KLHDC4: variants seen among roughly 807,000 people sequenced by gnomAD.
KLHDC4 encodes kelch domain containing 4, also known as kelch domain-containing protein 4.
In KLHDC4, 90 loss-of-function variants were observed where a neutral mutation model predicts 62.4. The observed-to-expected ratio is 1.44, with a 90% confidence interval of 1.22 to 1.72. The LOEUF (loss-of-function observed/expected upper bound fraction) is 1.72. KLHDC4 is among the 40% of genes most tolerant of loss of function. The pLI is 0.00. For synonymous variants in KLHDC4, 386 were observed against 284.4 expected, an observed-to-expected ratio of 1.36 and a Z score of -3.59; for missense variants, 1,025 against 699.7, an observed-to-expected ratio of 1.47 and a Z score of -5.25.
chr16:87,715,609 T>C (rs905435913), intron 7 of KLHDC4, among the ~76,000 whole-genome samples: 8 of 152,156 alleles, frequency 5.3e-5, no homozygotes, highest in African/African-American at 1.4e-4. Context: ...AGGAGTTTTA[T>C]AGAGTGCCCC....
In KLHDC4 at chr16:87,756,427, A is replaced by C. The variant is rs771334868; in HGVS notation, c.242T>G (p.Phe81Cys). The change falls in exon 3 of 12, where the codon TTT becomes TGT. Residue 81 changes from phenylalanine (F) to cysteine (C), a missense_variant. Coordinates refer to ENST00000270583, the MANE Select transcript of KLHDC4 (RefSeq NM_017566.4). ...VHPEKDELIL[F>C]GGEYFNGQKT... ...TTGGCCGTTGAAATATTCACCTCCAAAAAGGATTAACTCATCTTTCTCAGG... is the reference window on the plus strand; with the variant it reads ...TTGGCCGTTGAAATATTCACCTCCACAAAGGATTAACTCATCTTTCTCAGG... 1.6e-5 allele frequency: 26 copies of C among 1,613,938 alleles called. No individual in the cohort carries two copies. The South Asian group carries it at 2.4e-4, about 15-fold the overall frequency.
At chr16:87,741,051 C>T (rs1008502669) in intron 5 of KLHDC4, 13 of 152,266 alleles carry the variant, frequency 8.5e-5, no homozygotes, top group Admixed American at 5.9e-4. Flanking sequence ...TTGCCATTAC[C>T]CCCCTCATTT....
chr16:87,715,190 A>G (rs1275584149), intron 7 of KLHDC4, among the ~76,000 whole-genome samples: 1 of 152,170 alleles, frequency 6.6e-6, no homozygotes, highest in African/African-American at 2.4e-5. Context: ...ATAGCCAGCA[A>G]AACGCTCACC....
intron 7 of KLHDC4, 129 bp from the exon 8 acceptor site, chr16:87,714,702 C>A: frequency 1.1e-6 from 1 of 929,650 alleles, no homozygotes; most frequent in East Asian, 2.4e-5. Context: ...CCCCAAAGCT[C>A]CAAAGCGTGC....
chr16:87,765,122 A>G (rs1283754247), intron 1 of KLHDC4: 2 of 455,892 alleles, frequency 4.4e-6, no homozygotes, highest in Non-Finnish European at 8.8e-6. Context: ...AGGCCATAAA[A>G]CTGGCCCCGG....
intron 7 of KLHDC4, among the ~76,000 whole-genome samples, chr16:87,720,144 C>A (rs765190731): frequency 1.3e-4 from 20 of 152,198 alleles, no homozygotes; most frequent in South Asian, 4.1e-4. Flanking sequence ...CAGGGCCGCC[C>A]CAAGGACCCC....
chr16:87,711,133 T>C (rs2035725931), intron 9 of KLHDC4, 102 bp downstream of exon 9: 3 of 1,198,492 alleles, frequency 2.5e-6, no homozygotes, highest in Non-Finnish European at 2.4e-6. Context: ...CTCATGGGCT[T>C]TGGGGGCCCC....
chr16:87,706,637 T>C (rs552760656), downstream of KLHDC4, among the ~76,000 whole-genome samples: 1 of 152,284 alleles, frequency 6.6e-6, no homozygotes, highest in South Asian at 2.1e-4. Flanking sequence ...AAGCCTGAAG[T>C]GAGGTCACAC....
chr16:87,709,656 A>G lies in KLHDC4; in HGVS notation c.1056T>C (p.Ser352=). 1.3e-6 allele frequency: 2 copies of G among 1,599,572 alleles called. No homozygotes were observed. Among genetic ancestry groups the G allele is most frequent in the African/African-American group, 1.3e-5 (1 of 74,720 alleles). Residue 352 remains serine (S), a synonymous_variant, in exon 10 of 12, where the codon TCT becomes TCC. Coordinates refer to ENST00000270583, the MANE Select transcript of KLHDC4 (RefSeq NM_017566.4). The part of the protein sequence containing the change: ...WFEGQLKGPK[S]EKKKRRRGRK... ...TGCCCCGCCTGCGTTTCTTCTTTTC[A>G]GACTTGGGTCCCTATTAATAGACCG...
Position 87,709,377 on chromosome 16 carries a change from G to C in KLHDC4, c.1335C>G (p.Tyr445Ter). Residue 445 changes from tyrosine to a stop codon, truncating the protein, a stop_gained, in exon 10 of 12, where the codon TAC becomes TAG. Transcript: ENST00000270583. LOFTEE classifies it high-confidence loss of function. ...CGGCCTCAAACATGCCCCCATAGAC[G>C]TAGAGCACCCCATGCTTCACAGCCA... ...AMLAVKHGVL[Y>*]VYGGMFEAGD... The C allele has an allele frequency of 6.2e-7, 1 of 1,613,456 alleles. No individual in the cohort carries two copies. The highest frequency in any genetic ancestry group is 1.6e-4 in the Middle Eastern group (1 of 6,062).
At chr16:87,755,350 G>A (rs1429923367) in intron 3 of KLHDC4, 58 bp from the exon 4 acceptor site, 2 of 916,338 alleles carry the variant, frequency 2.2e-6, no homozygotes, top group Non-Finnish European at 3.6e-6. Context: ...AGGAAGTGGT[G>A]AGAACAATCT....
At chr16:87,750,261 T>A (rs557966165) in intron 4 of KLHDC4, 1 of 152,208 alleles carries the variant, frequency 6.6e-6, no homozygotes, top group South Asian at 2.1e-4. Context: ...GTAGCTGGGG[T>A]CCAGGATGAG....
At chr16:87,707,323 C>T (rs1001772952), downstream of KLHDC4, among the ~76,000 whole-genome samples, 3 of 152,224 alleles carry the variant, frequency 2.0e-5, no homozygotes, top group Non-Finnish European at 4.4e-5. Flanking sequence ...CCCTTCCTGT[C>T]GCTTTGCAAA....
intron 2 of KLHDC4, among the ~76,000 whole-genome samples, chr16:87,757,659 G>T (rs2045194282): frequency 6.6e-6 from 1 of 152,102 alleles, no homozygotes; most frequent in South Asian, 2.1e-4. Flanking sequence ...GGAGGCTGAG[G>T]CGGGCAGATC....
intron 4 of KLHDC4, among the ~76,000 whole-genome samples, chr16:87,752,937 A>G (rs1400457294): frequency 1.3e-5 from 2 of 152,228 alleles, no homozygotes; most frequent in African/African-American, 2.4e-5. Context: ...CAACCTCCAG[A>G]CAACAGGAAG....
intron 3 of KLHDC4, chr16:87,755,849 G>A (rs1320456371): frequency 1.2e-5 from 2 of 163,314 alleles, no homozygotes; most frequent in East Asian, 3.4e-4. Flanking sequence ...ACAGGCATGA[G>A]CCACTGTACC....
rs753972095 is a variant in KLHDC4 at position 87,711,425 on chromosome 16, C to G, written c.854G>C (p.Arg285Pro). The G allele has an allele frequency of 1.2e-6, 2 of 1,611,332 alleles. No individual in the cohort carries two copies. Among genetic ancestry groups the G allele is most frequent in the Middle Eastern group, 3.3e-4 (2 of 6,054 alleles). Residue 285 changes from arginine (R) to proline (P), a missense_variant, in exon 9 of 12, where the codon CGG (arginine) becomes CCG (proline). Coordinates refer to ENST00000270583, the MANE Select transcript of KLHDC4 (RefSeq NM_017566.4). ...GGGCTTGACCCCCGAAGGGTTCATC[C>G]GAGTCCAAACCCACTTGTCTGTCAA... ...DGREDKWVWT[R>P]MNPSGVKPTP...
At chr16:87,699,402 A>AGCAGG in exon 1 of KLHDC4, 1 of 152,418 alleles carries the variant, frequency 6.6e-6, no homozygotes, top group East Asian at 1.9e-4. Flanking sequence ...GATGTAGAAA[A>AGCAGG]GCAGGGCAGG....
rs757293262 is a variant in KLHDC4, at chr16:87,714,541, C to T, written c.792G>A (p.Arg264=). The change falls in exon 8 of 12, where the codon CGG becomes CGA. Residue 264 remains arginine (R), a synonymous_variant. Coordinates refer to ENST00000270583, the MANE Select transcript of KLHDC4 (RefSeq NM_017566.4). ...RVKKDVDKGT[R]HSDMFLLKPE... is the part of the protein sequence containing the mutation. ...GCTTCAGCAGGAACATGTCTGAGTGCCGTGTGCCCTTGTCCACGTCTTTCT... is the reference window on the plus strand; with the variant it reads ...GCTTCAGCAGGAACATGTCTGAGTGTCGTGTGCCCTTGTCCACGTCTTTCT... 6.2e-7 allele frequency: 1 copy of T among 1,614,176 alleles called. No homozygotes were observed. Among genetic ancestry groups the T allele is most frequent in the Non-Finnish European group, 8.5e-7 (1 of 1,180,026 alleles).
Sources: allele counts gnomAD v4.1 joint callset (sites outside exome capture counted in the v4.1 genomes callset), GRCh38; gene constraint gnomAD v4.1.1; transcripts MANE v1.5; gene names NCBI Gene and HGNC (gene_info 2026-07-23, HGNC 2026-07-21).